The following TTC7B variants were observed in gnomAD, a reference collection of about 807,000 sequenced individuals.
The protein encoded by TTC7B is tetratricopeptide repeat protein 7B.
Under a neutral mutation model 106.8 loss-of-function variants are expected in TTC7B, and 28 were observed. That is an observed-to-expected ratio of 0.26 (90% CI 0.19 to 0.36). The LOEUF (loss-of-function observed/expected upper bound fraction) is 0.36, where lower values mean the gene tolerates loss of function less well. Ranked by LOEUF, TTC7B falls within the 10% of genes least tolerant of loss-of-function variation. The pLI, the probability that TTC7B is intolerant of heterozygous loss-of-function variation, is 1.00. For synonymous variants in TTC7B, 405 were observed against 430.6 expected (o/e 0.94, Z 0.74); for missense variants, 862 against 1,076.4 (o/e 0.80, Z 2.79).
Position 90,578,559 on chromosome 14 carries a change from C to A in TTC7B, c.2108-251G>T, listed in dbSNP as rs1450164685. Among the ~76,000 whole-genome samples, 2 of 152,060 alleles carry A rather than the reference C, an allele frequency of 1.3e-5. No homozygotes were observed. The highest frequency in any genetic ancestry group is 2.9e-5 in the Non-Finnish European group (2 of 67,998). On this transcript the variant is annotated intron_variant, in intron 18 of 19. Transcript: ENST00000328459. This position sits in a 1 kb window ranked among gnomAD's most constrained non-coding sequence, Gnocchi z 4.7. Reference sequence around the variant, plus strand: ...CACCACCAGGCAGGGAGCAGTGAGGCCTGCCTGGTCCCTGCCCCAACCTCT... The same window carrying A: ...CACCACCAGGCAGGGAGCAGTGAGGACTGCCTGGTCCCTGCCCCAACCTCT...
intron 9 of TTC7B, among the ~76,000 whole-genome samples, chr14:90,675,713 T>G (rs1215803483): frequency 6.6e-6 from 1 of 152,178 alleles, no homozygotes; most frequent in East Asian, 1.9e-4. Flanking sequence ...TGTATTTCAT[T>G]CCCTGTCCTC....
At chr14:90,736,738 C>G (rs117288723) in intron 4 of TTC7B, among the ~76,000 whole-genome samples, 41 of 151,332 alleles carry the variant, frequency 2.7e-4, no homozygotes, top group Non-Finnish European at 5.0e-4. Flanking sequence ...TAAAAATAGG[C>G]CGGGCATAGT....
intron 18 of TTC7B, among the ~76,000 whole-genome samples, chr14:90,580,665 A>G (rs1170884255): frequency 1.3e-5 from 2 of 152,118 alleles, no homozygotes; most frequent in Non-Finnish European, 2.9e-5. Context: ...TGTCAATTCT[A>G]TGGCCTGTGC....
intron 13 of TTC7B, among the ~76,000 whole-genome samples, chr14:90,647,589 C>T (rs763679051): frequency 2.8e-4 from 42 of 147,660 alleles, no homozygotes; most frequent in Non-Finnish European, 5.2e-4. Flanking sequence ...AATTCCATGC[C>T]GTTCACTGAT....
chr14:90,611,319 A>G (rs1398050568), intron 16 of TTC7B, among the ~76,000 whole-genome samples: 1 of 152,208 alleles, frequency 6.6e-6, no homozygotes, highest in African/African-American at 2.4e-5. Flanking sequence ...ACAGACGCCT[A>G]GGTCCCACTG....
At chr14:90,773,954 CT>C (rs1338881340) in intron 3 of TTC7B, among the ~76,000 whole-genome samples, 1 of 152,324 alleles carries the variant, frequency 6.6e-6, no homozygotes, top group East Asian at 1.9e-4. Flanking sequence ...CTCTTCTTCC[CT>C]GCAGGGGCCA....
chr14:90,602,458 T>C (rs554197756), intron 17 of TTC7B, among the ~76,000 whole-genome samples: 2 of 152,338 alleles, frequency 1.3e-5, no homozygotes, highest in South Asian at 2.1e-4. Flanking sequence ...TCCCAGCATT[T>C]TGGGAGGCGA....
At chr14:90,622,519 A>T (rs1042766538) in intron 15 of TTC7B, among the ~76,000 whole-genome samples, 1 of 151,726 alleles carries the variant, frequency 6.6e-6, no homozygotes. Context: ...GCTTGAGCTC[A>T]CAAGTTCAAG....
rs979935026 is a variant in TTC7B, at chr14:90,600,294, TG to T, written c.1967-6669del. 6.6e-6 allele frequency among the ~76,000 whole-genome samples: 1 copy of T among 152,168 alleles called. No homozygotes were observed. Among genetic ancestry groups the T allele is most frequent in the African/African-American group, 2.4e-5 (1 of 41,450 alleles). On this transcript the variant is annotated intron_variant, in intron 17 of 19. Coordinates refer to ENST00000328459, the MANE Select transcript of TTC7B (RefSeq NM_001010854.2). The surrounding 1 kb of genome is among the most constrained non-coding windows in gnomAD (Gnocchi z 4.3). ...TGCTTTCTGAGGAGGCGACTCCAGG[TG>T]GTGGCTCCTTGCACCGCGCTGTCAC...
chr14:90,658,051 T>C, intron 10 of TTC7B: 1 of 500,620 alleles, frequency 2.0e-6, no homozygotes, highest in Non-Finnish European at 3.6e-6. Context: ...TTAAGCCATG[T>C]CCATGACACC....
At chr14:90,606,515 T>C (rs1892645700) in intron 17 of TTC7B, among the ~76,000 whole-genome samples, 1 of 152,206 alleles carries the variant, frequency 6.6e-6, no homozygotes, top group African/African-American at 2.4e-5. Flanking sequence ...GGCAAAGGAA[T>C]AAAATATTTT....
chr14:90,550,244 G>T (rs970740710), intron 19 of TTC7B, among the ~76,000 whole-genome samples: 1 of 152,198 alleles, frequency 6.6e-6, no homozygotes, highest in Non-Finnish European at 1.5e-5. Context: ...GGTTCTGACT[G>T]GTTTAGTAAG....
intron 19 of TTC7B, chr14:90,567,819 C>T (rs912602908): frequency 2.0e-5 from 3 of 152,388 alleles, no homozygotes; most frequent in South Asian, 2.1e-4. Flanking sequence ...GTGCCTCTAA[C>T]TCTCTGGTGA....
chr14:90,734,727 C>A (rs768730099), intron 4 of TTC7B, among the ~76,000 whole-genome samples: 2 of 152,006 alleles, frequency 1.3e-5, no homozygotes, highest in Non-Finnish European at 2.9e-5. Flanking sequence ...CAGCACTCCT[C>A]CTGGCTAAGG....
rs1889811361 is a variant in TTC7B at position 90,742,563 on chromosome 14, T to C, written c.576+2229A>G. Reference sequence around the variant, plus strand: ...TTTGCAGCAGCCTGGGAGAATAAAGTGAGCCAGCACTAAGCTAGGTGTCGT... The same window carrying C: ...TTTGCAGCAGCCTGGGAGAATAAAGCGAGCCAGCACTAAGCTAGGTGTCGT... On this transcript the variant is annotated intron_variant, in intron 4 of 19. Coordinates refer to ENST00000328459, the MANE Select transcript of TTC7B (RefSeq NM_001010854.2). The surrounding 1 kb of genome is among the most constrained non-coding windows in gnomAD (Gnocchi z 4.1). Among the ~76,000 whole-genome samples the C allele has an allele frequency of 6.6e-6, 1 of 152,198 alleles. No homozygotes were observed. The highest frequency in any genetic ancestry group is 6.5e-5 in the Admixed American group (1 of 15,272).
At chr14:90,714,330 A>G (rs1289290576) in intron 5 of TTC7B, among the ~76,000 whole-genome samples, 1 of 152,228 alleles carries the variant, frequency 6.6e-6, no homozygotes, top group Non-Finnish European at 1.5e-5. Context: ...ACAGAGCCAC[A>G]GAGCAAATAA....
intron 7 of TTC7B, among the ~76,000 whole-genome samples, chr14:90,680,917 C>T (rs1395572947): frequency 6.6e-6 from 1 of 152,190 alleles, no homozygotes; most frequent in Admixed American, 6.5e-5. Flanking sequence ...CTCTTCTTAC[C>T]TCTTACCTGC....
At chr14:90,814,459 A>G (rs774901542) in intron 1 of TTC7B, among the ~76,000 whole-genome samples, 5 of 152,220 alleles carry the variant, frequency 3.3e-5, no homozygotes, top group Non-Finnish European at 5.9e-5. Flanking sequence ...GTGAGGGCAT[A>G]AGGGCAGGGG....
chr14:90,736,740 G>A (rs1360144347), intron 4 of TTC7B, among the ~76,000 whole-genome samples: 7 of 151,294 alleles, frequency 4.6e-5, no homozygotes, highest in South Asian at 4.2e-4. Context: ...AAAATAGGCC[G>A]GGCATAGTGG....
Sources: allele counts gnomAD v4.1 joint callset (sites outside exome capture counted in the v4.1 genomes callset), GRCh38; gene constraint gnomAD v4.1.1; non-coding constraint Gnocchi (gnomAD v3.1); transcripts MANE v1.5; gene names NCBI Gene and HGNC (gene_info 2026-07-23, HGNC 2026-07-21).